The following ARSK variants were observed in gnomAD, a reference collection of about 807,000 sequenced individuals.
The protein encoded by ARSK is arylsulfatase family member K, also known as arylsulfatase K.
In ARSK, 37 loss-of-function variants were observed where a neutral mutation model predicts 53.2. That is an observed-to-expected ratio of 0.70 (90% CI 0.54 to 0.92). ARSK has a LOEUF of 0.92. Ranked by LOEUF, ARSK falls within the 40% of genes least tolerant of loss-of-function variation. The pLI is 0.00. For missense variants in ARSK, 613 were observed against 643.0 expected (o/e 0.95, Z 0.51); for synonymous variants, 208 against 223.2 (o/e 0.93, Z 0.61).
At chr5:95,588,054 C>A (rs1222469158) in intron 5 of ARSK, among the ~76,000 whole-genome samples, 1 of 152,064 alleles carries the variant, frequency 6.6e-6, no homozygotes, top group East Asian at 1.9e-4. Context: ...AATGTCCTCC[C>A]ATTTGCATAC....
At chr5:95,602,266 G>T (rs1379500171) in intron 7 of ARSK, among the ~76,000 whole-genome samples, 1 of 152,116 alleles carries the variant, frequency 6.6e-6, no homozygotes, top group African/African-American at 2.4e-5. Flanking sequence ...AGGGGTTGCT[G>T]CCCAATTCAG....
At chr5:95,597,533 T>G (rs1580231777) in intron 6 of ARSK, among the ~76,000 whole-genome samples, 1 of 152,204 alleles carries the variant, frequency 6.6e-6, no homozygotes, top group South Asian at 2.1e-4. Context: ...CCCTCTTTAC[T>G]CGTTACCAAC....
At chr5:95,589,971 C>A (rs1749184235) in intron 5 of ARSK, among the ~76,000 whole-genome samples, 1 of 152,286 alleles carries the variant, frequency 6.6e-6, no homozygotes, top group East Asian at 1.9e-4. Flanking sequence ...AATTACCATT[C>A]TAACTGGCAA....
intron 3 of ARSK, among the ~76,000 whole-genome samples, chr5:95,581,283 TAA>T (rs1749017489): frequency 6.6e-6 from 1 of 152,158 alleles, no homozygotes; most frequent in Non-Finnish European, 1.5e-5. Flanking sequence ...GGAGAAGGCA[TAA>T]ATTTATTACC....
chr5:95,600,397 C>G (rs1224071629), intron 6 of ARSK, among the ~76,000 whole-genome samples: 4 of 151,968 alleles, frequency 2.6e-5, no homozygotes, highest in Non-Finnish European at 5.9e-5. Flanking sequence ...ACTACTAAAC[C>G]CCTTTCTTGT....
chr5:95,597,082 T>C (rs970978630), intron 6 of ARSK, among the ~76,000 whole-genome samples: 7 of 152,166 alleles, frequency 4.6e-5, no homozygotes, highest in Non-Finnish European at 1.0e-4. Flanking sequence ...CTTCCCGAAA[T>C]ATTTTCTTCT....
At chr5:95,600,609 C>A (rs1489327564) in intron 6 of ARSK, 2 of 653,238 alleles carry the variant, frequency 3.1e-6, no homozygotes, top group Non-Finnish European at 5.6e-6. Context: ...GTACTGTGGT[C>A]ATCCCCTTCT....
intron 4 of ARSK, among the ~76,000 whole-genome samples, chr5:95,586,066 AT>A (rs1019539243): frequency 1.3e-5 from 2 of 152,040 alleles, no homozygotes; most frequent in African/African-American, 2.4e-5. Context: ...TCTAGTTCTA[AT>A]TTTTTTTACC....
rs760903810 is a variant in ARSK at position 95,604,205 on chromosome 5, G to T, written c.*679G>T. On this transcript the variant is annotated 3_prime_UTR_variant, in exon 8 of 8. Transcript: ENST00000380009. ...TCGATGAGTTACTTGTATTTGATGGGATTGTTTGGATGTATTTAATGGGAG... is the reference window on the plus strand; with the variant it reads ...TCGATGAGTTACTTGTATTTGATGGTATTGTTTGGATGTATTTAATGGGAG... The T allele has an allele frequency of 3.3e-5, 5 of 152,200 alleles. No homozygotes were observed. Among genetic ancestry groups the T allele is most frequent in the Non-Finnish European group, 7.3e-5 (5 of 68,030 alleles). The allele number at this position is 152,200 out of a possible 1,614,324, so 9.4% of individuals were successfully genotyped here. A position where few individuals can be genotyped will look rare whatever the true frequency, so the allele number is the denominator to read the frequency against.
intron 1 of ARSK, among the ~76,000 whole-genome samples, chr5:95,563,973 C>CTTTT (rs70978189): frequency 4.0e-5 from 5 of 123,950 alleles, no homozygotes; most frequent in Non-Finnish European, 5.1e-5. Flanking sequence ...GGGCTATGCA[C>CTTTT]TTTTTTTTTT....
At chr5:95,589,623 G>A (rs1209684236) in intron 5 of ARSK, among the ~76,000 whole-genome samples, 1 of 152,146 alleles carries the variant, frequency 6.6e-6, no homozygotes, top group Non-Finnish European at 1.5e-5. Flanking sequence ...CCTTTTTATG[G>A]CTGCGTAGTA....
intron 3 of ARSK, among the ~76,000 whole-genome samples, chr5:95,581,888 A>T (rs564739120): frequency 3.3e-5 from 5 of 152,152 alleles, no homozygotes; most frequent in African/African-American, 1.2e-4. Context: ...TTTTATTTTT[A>T]TCAAAATATA....
rs1749214787 is a variant in ARSK, at chr5:95,591,498, G to A, written c.969G>A (p.Gln323=). ...DHGELAMEHR[Q]FYKMSMYEAS... The stretch of plus-strand genomic sequence containing the variant: ...GAGAGCTGGCCATGGAACATCGACA[G>A]TTTTATAAAATGAGCATGTACGAGG... The change falls in exon 6 of 8, where the codon CAG becomes CAA. Residue 323 remains glutamine, a synonymous_variant. Coordinates refer to ENST00000380009, the MANE Select transcript of ARSK (RefSeq NM_198150.3). The A allele has an allele frequency of 6.2e-7, 1 of 1,614,126 alleles. No individual in the cohort carries two copies. The highest frequency in any genetic ancestry group is 1.7e-5 in the Admixed American group (1 of 60,006).
At position 95,591,509 on chromosome 5, in the gene ARSK, T is replaced by C. The variant is rs746751780; in HGVS notation, c.980T>C (p.Met327Thr). The C allele has an allele frequency of 1.5e-5, 24 of 1,614,054 alleles. No individual in the cohort carries two copies. The highest frequency in any genetic ancestry group is 2.0e-5 in the Non-Finnish European group (24 of 1,180,020). ...LAMEHRQFYK[M>T]SMYEASAHVP... ...ATGGAACATCGACAGTTTTATAAAA[T>C]GAGCATGTACGAGGCTAGTGCACAT... Residue 327 changes from methionine (M) to threonine (T), a missense_variant, in exon 6 of 8, where the codon ATG becomes ACG. Coordinates refer to ENST00000380009, the MANE Select transcript of ARSK (RefSeq NM_198150.3).
At chr5:95,561,286 G>T (rs1748631747) in intron 1 of ARSK, among the ~76,000 whole-genome samples, 1 of 152,232 alleles carries the variant, frequency 6.6e-6, no homozygotes, top group South Asian at 2.1e-4. Context: ...TGGCAACAAT[G>T]TGGAGGAATT....
intron 1 of ARSK, among the ~76,000 whole-genome samples, chr5:95,563,949 A>G (rs1034179300): frequency 3.3e-5 from 5 of 149,848 alleles, no homozygotes; most frequent in Non-Finnish European, 5.9e-5. Context: ...GCTTAAAGAA[A>G]TTCTCATGAG....
In ARSK at chr5:95,586,635, C is replaced by G; in HGVS notation, c.773C>G (p.Ser258Cys). ...SEMHPVDYYSSYTKNCTGRFT... is the reference protein window; with the variant it reads ...SEMHPVDYYSCYTKNCTGRFT... ...ATGCACCCTGTAGATTATTACTCTT[C>G]TTATACAAAAAACTGCACTGGAAGA... Residue 258 changes from serine to cysteine, a missense_variant, in exon 5 of 8, where the codon TCT becomes TGT. By Grantham distance (112) the Ser-to-Cys change is moderately radical. Transcript: ENST00000380009. 1 of 1,611,414 alleles carries G rather than the reference C, an allele frequency of 6.2e-7. No individual in the cohort carries two copies. The highest frequency in any genetic ancestry group is 8.5e-7 in the Non-Finnish European group (1 of 1,178,604).
intron 3 of ARSK, among the ~76,000 whole-genome samples, chr5:95,577,919 A>G (rs1240670026): frequency 6.6e-6 from 1 of 152,222 alleles, no homozygotes; most frequent in Non-Finnish European, 1.5e-5. Flanking sequence ...TTATAATTTT[A>G]CCAAAAAATG....
intron 4 of ARSK, 127 bp downstream of exon 4, chr5:95,583,325 A>G (rs1749054165): frequency 2.5e-6 from 2 of 789,044 alleles, no homozygotes; most frequent in Non-Finnish European, 3.7e-6. Flanking sequence ...AACTTGACCA[A>G]TAACTAGTAT....
Sources: gnomAD v4.1 joint callset for allele counts (sites outside exome capture counted in the v4.1 genomes callset) on GRCh38, gnomAD v4.1.1 for gene constraint, MANE v1.5 for transcripts, NCBI Gene and HGNC (gene_info 2026-07-23, HGNC 2026-07-21) for gene names.